ATXN10: variants seen among roughly 807,000 people sequenced by gnomAD.
ATXN10 encodes the protein ataxin 10, also known as ataxin-10.
Under a neutral mutation model 52.9 loss-of-function variants are expected in ATXN10, and 28 were observed. The ratio of observed to expected loss-of-function variants is 0.53; its 90% CI spans 0.39 to 0.73. The LOEUF is 0.73. Ranked by LOEUF, ATXN10 falls within the 30% of genes least tolerant of loss-of-function variation. ATXN10 has a pLI of 0.00. For missense variants in ATXN10, 565 were observed against 577.0 expected (o/e 0.98, Z 0.21); for synonymous variants, 226 against 221.5 (o/e 1.02, Z -0.18).
chr22:45,844,840 C>G lies in ATXN10; in HGVS notation c.*1169C>G, dbSNP rs1601683079. On this transcript the variant is annotated 3_prime_UTR_variant, in exon 12 of 12. Coordinates refer to ENST00000252934, the MANE Select transcript of ATXN10 (RefSeq NM_013236.4). ...AGTTTTGACAAAAATACTGATTGCT[C>G]CCAAATAAAGTGCTTCTAAGCTTTG... is the stretch of plus-strand genomic sequence containing the variant. 6.6e-6 allele frequency: 1 copy of G among 152,176 alleles called. No individual in the cohort carries two copies. The highest frequency in any genetic ancestry group is 1.9e-4 in the East Asian group (1 of 5,196). 9.4% of individuals were successfully genotyped at this position (152,176 alleles called of 1,614,324 possible). A position where few individuals can be genotyped will look rare whatever the true frequency, so the allele number is the denominator to read the frequency against.
At chr22:45,709,182 C>T (rs79569619) in intron 5 of ATXN10, among the ~76,000 whole-genome samples, 8 of 152,136 alleles carry the variant, frequency 5.3e-5, no homozygotes, top group African/African-American at 1.7e-4. Context: ...CTCTTCTGTT[C>T]GCGCACAACA....
At chr22:45,798,579 T>C (rs1341828201) in intron 9 of ATXN10, among the ~76,000 whole-genome samples, 1 of 152,194 alleles carries the variant, frequency 6.6e-6, no homozygotes, top group Non-Finnish European at 1.5e-5. Context: ...TTTCATACTT[T>C]ATGATGAAAC....
intron 9 of ATXN10, among the ~76,000 whole-genome samples, chr22:45,802,090 G>A (rs1395406240): frequency 6.6e-6 from 1 of 152,172 alleles, no homozygotes; most frequent in African/African-American, 2.4e-5. Flanking sequence ...GGCATTATTG[G>A]CTAATGTGGG....
rs1274281542 is a variant in ATXN10, at chr22:45,728,129, A to G, written c.729-1296A>G. ...GATGTGAGGTACTATCCCAGCCATC[A>G]TGTTGATTGTTACCTGGATATTTTG... On this transcript the variant is annotated intron_variant, in intron 6 of 11. Coordinates refer to ENST00000252934, the MANE Select transcript of ATXN10 (RefSeq NM_013236.4). This position sits in a 1 kb window ranked among gnomAD's most constrained non-coding sequence, Gnocchi z 4.3. Among the ~76,000 whole-genome samples, 1 of 151,974 alleles carries G rather than the reference A, an allele frequency of 6.6e-6. No individual in the cohort carries two copies. The highest frequency in any genetic ancestry group is 2.4e-5 in the African/African-American group (1 of 41,374).
rs1451655714 is a variant in ATXN10, at chr22:45,757,380, C to T, written c.1173+16842C>T. ...TGATTCTAACAGTGTGGCCCAGCAG[C>T]GCCTGCTGGCTGGGAGCAGGGACAG... On this transcript the variant is annotated intron_variant, in intron 9 of 11. Coordinates refer to ENST00000252934, the MANE Select transcript of ATXN10 (RefSeq NM_013236.4). The surrounding 1 kb of genome is among the most constrained non-coding windows in gnomAD (Gnocchi z 4.6). 6.6e-6 allele frequency among the ~76,000 whole-genome samples: 1 copy of T among 152,158 alleles called. No individual in the cohort carries two copies. The highest frequency in any genetic ancestry group is 2.4e-5 in the African/African-American group (1 of 41,428).
At position 45,818,522 on chromosome 22, in the gene ATXN10, G is replaced by A. The variant is rs1928539949; in HGVS notation, c.1237+11500G>A. On this transcript the variant is annotated intron_variant, in intron 10 of 11. Transcript: ENST00000252934. This position sits in a 1 kb window ranked among gnomAD's most constrained non-coding sequence, Gnocchi z 4.6. ...AGACGCCAGCCTGTTGTTTTTCAGA[G>A]CGAGGTTCTCAGTGTGAGCCATGTG... 6.6e-6 allele frequency among the ~76,000 whole-genome samples: 1 copy of A among 152,170 alleles called. No homozygotes were observed. Among genetic ancestry groups the A allele is most frequent in the African/African-American group, 2.4e-5 (1 of 41,436 alleles).
intron 9 of ATXN10, among the ~76,000 whole-genome samples, chr22:45,745,689 A>T (rs947834184): frequency 1.1e-4 from 17 of 152,250 alleles, no homozygotes; most frequent in African/African-American, 4.1e-4. Flanking sequence ...TGTGTTGCTC[A>T]TCATGTTACT....
chr22:45,682,915 C>G (rs1458627306), intron 1 of ATXN10, among the ~76,000 whole-genome samples: 1 of 152,166 alleles, frequency 6.6e-6, no homozygotes, highest in Non-Finnish European at 1.5e-5. Context: ...AAACAGCCCC[C>G]TAACTGGTCT....
chr22:45,733,735 G>C lies in ATXN10; in HGVS notation c.894+4145G>C, dbSNP rs1443941848. 1.3e-5 allele frequency among the ~76,000 whole-genome samples: 2 copies of C among 150,366 alleles called. No homozygotes were observed. Among genetic ancestry groups the C allele is most frequent in the Admixed American group, 6.6e-5 (1 of 15,116 alleles). On this transcript the variant is annotated intron_variant, in intron 7 of 11. Transcript: ENST00000252934. The surrounding 1 kb of genome is among the most constrained non-coding windows in gnomAD (Gnocchi z 4.4). ...TGTGCCATTGCACTTCAGCCTGGGCGACAGAGCAAGACTCCCATCTTAAAA... is the reference window on the plus strand; with the variant it reads ...TGTGCCATTGCACTTCAGCCTGGGCCACAGAGCAAGACTCCCATCTTAAAA...
chr22:45,735,757 CTT>C (rs200047186), intron 7 of ATXN10, among the ~76,000 whole-genome samples: 2 of 121,020 alleles, frequency 1.7e-5, no homozygotes. Context: ...GGAGACTAAT[CTT>C]TTTTTTTTTG....
chr22:45,748,196 A>G (rs1251445602), intron 9 of ATXN10, among the ~76,000 whole-genome samples: 1 of 151,870 alleles, frequency 6.6e-6, no homozygotes, highest in Non-Finnish European at 1.5e-5. Flanking sequence ...AAAAAAAAGT[A>G]TATAATGGAT....
rs73886497 is a variant in ATXN10 at position 45,709,297 on chromosome 22, A to G, written c.647+6450A>G. Among the ~76,000 whole-genome samples the G allele has an allele frequency of 3.0e-3, 459 of 152,304 alleles. 4 individuals are homozygous for G. Among genetic ancestry groups the G allele is most frequent in the African/African-American group, 0.011 (438 of 41,580 alleles). On this transcript the variant is annotated intron_variant, in intron 5 of 11. Coordinates refer to ENST00000252934, the MANE Select transcript of ATXN10 (RefSeq NM_013236.4). ...TGTTGTTTGTTATTGGATCTTTAAC[A>G]AGATAATATCTGGCATGTGATAAGC...
At chr22:45,829,579 A>G (rs559264047) in intron 10 of ATXN10, among the ~76,000 whole-genome samples, 5 of 152,200 alleles carry the variant, frequency 3.3e-5, no homozygotes, top group Non-Finnish European at 5.9e-5. Flanking sequence ...GTTGCATTCT[A>G]TTTACTAATA....
At chr22:45,721,321 G>A (rs1028787722) in intron 6 of ATXN10, among the ~76,000 whole-genome samples, 6 of 152,048 alleles carry the variant, frequency 3.9e-5, no homozygotes, top group Non-Finnish European at 7.4e-5. Context: ...CTCTGTGTAC[G>A]GCATAGTAGT....
At chr22:45,830,444 AT>A (rs917380938) in intron 10 of ATXN10, among the ~76,000 whole-genome samples, 8 of 152,250 alleles carry the variant, frequency 5.3e-5, no homozygotes, top group Non-Finnish European at 1.0e-4. Flanking sequence ...GGGAGAATAT[AT>A]TTGCAAATTA....
intron 9 of ATXN10, among the ~76,000 whole-genome samples, chr22:45,788,182 G>C (rs2080111669): frequency 6.6e-6 from 1 of 151,962 alleles, no homozygotes; most frequent in African/African-American, 2.4e-5. Context: ...CCACACTAGG[G>C]GACATAACTG....
intron 1 of ATXN10, chr22:45,675,321 T>A (rs1165296624): frequency 2.0e-5 from 3 of 152,186 alleles, no homozygotes; most frequent in African/African-American, 7.2e-5. Context: ...ATTTTAAATA[T>A]GTCCACAAAT....
At chr22:45,742,296 G>A (rs1340561350) in intron 9 of ATXN10, among the ~76,000 whole-genome samples, 1 of 152,116 alleles carries the variant, frequency 6.6e-6, no homozygotes, top group Non-Finnish European at 1.5e-5. Flanking sequence ...TGACGTTCAG[G>A]AAAATGTGAC....
intron 9 of ATXN10, among the ~76,000 whole-genome samples, chr22:45,788,884 A>G (rs1345269030): frequency 6.6e-6 from 1 of 152,056 alleles, no homozygotes; most frequent in Non-Finnish European, 1.5e-5. Context: ...TGTGACCTCA[A>G]ATGATCCTCC....
Sources: gnomAD v4.1 joint callset for allele counts (sites outside exome capture counted in the v4.1 genomes callset) on GRCh38, gnomAD v4.1.1 for gene constraint, Gnocchi (gnomAD v3.1) non-coding constraint, MANE v1.5 for transcripts, NCBI Gene and HGNC (gene_info 2026-07-23, HGNC 2026-07-21) for gene names.